Variants in EMSY observed in about 807,000 individuals in gnomAD.
EMSY encodes BRCA2-interacting transcriptional repressor EMSY.
Under a neutral mutation model 134.6 loss-of-function variants are expected in EMSY, and 26 were observed. That is an observed-to-expected ratio of 0.19 (90% CI 0.14 to 0.27). EMSY has a LOEUF of 0.27. Ranked by LOEUF, EMSY falls within the 10% of genes least tolerant of loss-of-function variation. The pLI, the probability that EMSY is intolerant of heterozygous loss-of-function variation, is 1.00. For synonymous variants in EMSY, 579 were observed against 577.8 expected (o/e 1.00, Z -0.03); for missense variants, 1,305 against 1,611.4 (o/e 0.81, Z 3.26).
At chr11:76,492,596 C>T (rs1949466794) in intron 8 of EMSY, among the ~76,000 whole-genome samples, 1 of 152,236 alleles carries the variant, frequency 6.6e-6, no homozygotes, top group Admixed American at 6.5e-5. Context: ...GCAGCGGTGG[C>T]CCATCTGGTA....
intron 5 of EMSY, 52 bp from the exon 7 acceptor site, chr11:76,459,881 C>T: frequency 1.3e-6 from 2 of 1,596,036 alleles, no homozygotes. Flanking sequence ...TTTTTGTATG[C>T]CTGGACAGTT....
chr11:76,477,354 A>G (rs1399494164), intron 8 of EMSY, among the ~76,000 whole-genome samples: 1 of 150,842 alleles, frequency 6.6e-6, no homozygotes, highest in Non-Finnish European at 1.5e-5. Context: ...ATTATATAAC[A>G]TATTTATGTA....
chr11:76,512,745 C>G (rs1332416866), intron 9 of EMSY, among the ~76,000 whole-genome samples: 1 of 149,290 alleles, frequency 6.7e-6, no homozygotes, highest in Admixed American at 6.7e-5. Flanking sequence ...AACCATAAAT[C>G]ACCACCCTAG....
chr11:76,511,828 T>C (rs1950288510), intron 9 of EMSY, among the ~76,000 whole-genome samples: 1 of 152,176 alleles, frequency 6.6e-6, no homozygotes, highest in African/African-American at 2.4e-5. Flanking sequence ...TCCATAATAA[T>C]TACTGAATTT....
chr11:76,515,462 G>T (rs1265550780), intron 10 of EMSY, among the ~76,000 whole-genome samples: 2 of 151,898 alleles, frequency 1.3e-5, no homozygotes, highest in East Asian at 1.9e-4. Flanking sequence ...AGTGGGGAAG[G>T]GTATAAAATC....
At chr11:76,464,908 ATGT>A (rs1330901613) in intron 7 of EMSY, among the ~76,000 whole-genome samples, 5 of 152,082 alleles carry the variant, frequency 3.3e-5, no homozygotes, top group Admixed American at 1.3e-4. Context: ...ATTTTTGAAG[ATGT>A]TGTTGCTCTG....
intron 9 of EMSY, among the ~76,000 whole-genome samples, chr11:76,500,383 G>A (rs1415074760): frequency 6.6e-6 from 1 of 152,178 alleles, no homozygotes; most frequent in African/African-American, 2.4e-5. Flanking sequence ...AGAAGTTCAA[G>A]ACTAAGGGCA....
chr11:76,518,653 T>C (rs115135461), intron 11 of EMSY, among the ~76,000 whole-genome samples: 1,799 of 148,134 alleles, frequency 0.012, 29 homozygotes, highest in African/African-American at 0.04. Context: ...TTCATTTTTC[T>C]ATTCGTTTGT....
At chr11:76,483,472 A>T (rs1174386760) in intron 8 of EMSY, among the ~76,000 whole-genome samples, 1 of 152,210 alleles carries the variant, frequency 6.6e-6, no homozygotes, top group East Asian at 1.9e-4. Flanking sequence ...TTGGATAGAG[A>T]GTCAAGACCC....
intron 9 of EMSY, among the ~76,000 whole-genome samples, chr11:76,500,776 A>G (rs1197724863): frequency 2.6e-5 from 4 of 152,248 alleles, no homozygotes; most frequent in Admixed American, 2.6e-4. Flanking sequence ...ATAATATCAG[A>G]TGCTTAGATG....
chr11:76,507,568 G>A (rs913513161), intron 9 of EMSY, among the ~76,000 whole-genome samples: 6 of 152,080 alleles, frequency 3.9e-5, no homozygotes, highest in Admixed American at 6.5e-5. Flanking sequence ...AACCACATTC[G>A]TTGTTCATCC....
At chr11:76,541,355 T>C (rs1483250652) in intron 17 of EMSY, among the ~76,000 whole-genome samples, 1 of 152,248 alleles carries the variant, frequency 6.6e-6, no homozygotes, top group Non-Finnish European at 1.5e-5. Flanking sequence ...TACCCATTTG[T>C]GCCAGGTGAG....
At chr11:76,529,496 C>T (rs1950958363) in intron 14 of EMSY, among the ~76,000 whole-genome samples, 1 of 152,156 alleles carries the variant, frequency 6.6e-6, no homozygotes, top group Non-Finnish European at 1.5e-5. Context: ...ACATACTAAG[C>T]ATTATGCTAG....
At chr11:76,453,493 A>G (rs1301200307) in intron 4 of EMSY, 105 bp downstream of exon 4, 20 of 977,776 alleles carry the variant, frequency 2.0e-5, no homozygotes, top group Non-Finnish European at 2.8e-5. Flanking sequence ...TTTAAGTAAC[A>G]ATATCTCTAT....
intron 20 of EMSY, 133 bp downstream of exon 21, chr11:76,546,430 T>G: frequency 3.1e-6 from 4 of 1,275,392 alleles, no homozygotes; most frequent in Non-Finnish European, 4.2e-6. Flanking sequence ...TTTGAGATGG[T>G]GTTTGACAAA....
At chr11:76,551,385 CAA>C (rs1299265027) in exon 21 of EMSY, 6 of 152,720 alleles carry the variant, frequency 3.9e-5, no homozygotes, top group African/African-American at 1.4e-4. Context: ...TTAAGACTGA[CAA>C]ATGTTGAACT....
intron 3 of EMSY, 125 bp downstream of exon 3, chr11:76,452,082 G>GC: frequency 3.7e-6 from 2 of 543,094 alleles, no homozygotes; most frequent in Non-Finnish European, 6.2e-6. Context: ...AATTGTTGGT[G>GC]CTAAGAGACT....
intron 8 of EMSY, among the ~76,000 whole-genome samples, chr11:76,482,647 A>G (rs903227458): frequency 3.9e-5 from 6 of 152,242 alleles, no homozygotes; most frequent in East Asian, 3.8e-4. Flanking sequence ...GAGAAAGGAT[A>G]TCAGAGATTG....
intron 8 of EMSY, among the ~76,000 whole-genome samples, chr11:76,478,409 T>A (rs1454598862): frequency 3.3e-5 from 5 of 150,690 alleles, no homozygotes; most frequent in African/African-American, 1.2e-4. Flanking sequence ...AGTGGTGCGA[T>A]CTTGGCTCAC....
Sources: allele counts gnomAD v4.1 joint callset (sites outside exome capture counted in the v4.1 genomes callset), GRCh38; gene constraint gnomAD v4.1.1; transcripts MANE v1.5; gene names NCBI Gene and HGNC (gene_info 2026-07-23, HGNC 2026-07-21).